The following GRIK3 variants were observed in gnomAD, a reference collection of about 807,000 sequenced individuals.
GRIK3 encodes glutamate ionotropic receptor kainate type subunit 3, also known as glutamate receptor ionotropic, kainate 3.
In GRIK3, 29 loss-of-function variants were observed where a neutral mutation model predicts 102.5. The ratio of observed to expected loss-of-function variants is 0.28; its 90% confidence interval spans 0.21 to 0.39. GRIK3 has a LOEUF of 0.39. Ranked by LOEUF, GRIK3 falls within the 10% of genes least tolerant of loss-of-function variation. The pLI, the probability that GRIK3 is intolerant of heterozygous loss-of-function variation, is 1.00. For missense variants in GRIK3, 908 were observed against 1,252.4 expected (o/e 0.73, Z 4.15); for synonymous variants, 511 against 504.9 (o/e 1.01, Z -0.16).
At chr1:37,031,497 T>C (rs543121) in intron 1 of GRIK3, among the ~76,000 whole-genome samples, 80,401 of 152,044 alleles carry the variant, frequency 0.53, 22,233 homozygotes, top group African/African-American at 0.7. Flanking sequence ...AGAGAGGGGG[T>C]GGGTACGATG....
At chr1:36,978,288 G>A (rs1397100280) in intron 1 of GRIK3, among the ~76,000 whole-genome samples, 6 of 152,216 alleles carry the variant, frequency 3.9e-5, no homozygotes, top group Non-Finnish European at 7.3e-5. Context: ...GGCACGCACT[G>A]CACCCAGATT....
intron 1 of GRIK3, among the ~76,000 whole-genome samples, chr1:36,895,699 G>A (rs1254251608): frequency 6.6e-6 from 1 of 152,094 alleles, no homozygotes; most frequent in Admixed American, 6.6e-5. Context: ...AAATGATCAG[G>A]AGAAATATTT....
In GRIK3 at chr1:36,819,223, G is replaced by A. The variant is rs539591; in HGVS notation, c.1873+513C>T. Among the ~76,000 whole-genome samples the A allele has an allele frequency of 6.6e-6, 1 of 152,036 alleles. No individual in the cohort carries two copies. Among genetic ancestry groups the A allele is most frequent in the East Asian group, 1.9e-4 (1 of 5,200 alleles). On this transcript the variant is annotated intron_variant, in intron 12 of 15. Coordinates refer to ENST00000373091, the MANE Select transcript of GRIK3 (RefSeq NM_000831.4). This position sits in a 1 kb window ranked among gnomAD's most constrained non-coding sequence, Gnocchi z 4.1. ...AGGCACCTCACAGCCAAGCGGCCAC[G>A]GAGTCCCATCCACAGTGTATCCTGA...
At chr1:36,916,125 G>A (rs941032230) in intron 1 of GRIK3, among the ~76,000 whole-genome samples, 5 of 152,164 alleles carry the variant, frequency 3.3e-5, no homozygotes, top group Admixed American at 2.0e-4. Flanking sequence ...GGAAACTGGA[G>A]CAAAGCTGAC....
At chr1:36,979,123 A>G (rs1025983361) in intron 1 of GRIK3, among the ~76,000 whole-genome samples, 1 of 152,242 alleles carries the variant, frequency 6.6e-6, no homozygotes, top group Non-Finnish European at 1.5e-5. Flanking sequence ...GGTGACTTCT[A>G]TAAACTGAAT....
chr1:36,851,856 A>C (rs1640589783), intron 8 of GRIK3, among the ~76,000 whole-genome samples: 1 of 152,258 alleles, frequency 6.6e-6, no homozygotes, highest in Admixed American at 6.5e-5. Context: ...AAGAGTACTC[A>C]AATGACGGAT....
intron 1 of GRIK3, among the ~76,000 whole-genome samples, chr1:36,929,797 C>T (rs554041): frequency 1 from 152,346 of 152,388 alleles, 76,154 homozygotes; most frequent in Non-Finnish European, 1. Context: ...AAAGTTTCTT[C>T]ATACAATTAG....
At chr1:37,032,307 G>A (rs1053076401) in intron 1 of GRIK3, among the ~76,000 whole-genome samples, 7 of 152,120 alleles carry the variant, frequency 4.6e-5, no homozygotes, top group Non-Finnish European at 1.0e-4. Flanking sequence ...TGGGCTGGGA[G>A]CACACCCATC....
At chr1:36,844,239 G>A (rs1398442087) in intron 9 of GRIK3, among the ~76,000 whole-genome samples, 1 of 152,256 alleles carries the variant, frequency 6.6e-6, no homozygotes, top group Non-Finnish European at 1.5e-5. Context: ...GGGATTCTGA[G>A]TCTAACTGGG....
chr1:37,018,207 A>G (rs2124070908), intron 1 of GRIK3, among the ~76,000 whole-genome samples: 1 of 152,344 alleles, frequency 6.6e-6, no homozygotes, highest in African/African-American at 2.4e-5. Flanking sequence ...TCATCGTCTC[A>G]GTGATTGGCA....
Position 36,806,307 on chromosome 1 carries a change from A to T in GRIK3, c.2111T>A (p.Phe704Tyr). 1 of 1,613,394 alleles carries T rather than the reference A, an allele frequency of 6.2e-7. No individual in the cohort carries two copies. Among genetic ancestry groups the T allele is most frequent in the Non-Finnish European group, 8.5e-7 (1 of 1,179,430 alleles). The change falls in exon 14 of 16, where the codon TTC (phenylalanine) becomes TAC (tyrosine). Residue 704 changes from phenylalanine (F) to tyrosine (Y), a missense_variant. This residue lies in a region of GRIK3 where 297 missense variants were observed against 362.7 expected (regional missense o/e 0.82). Transcript: ENST00000373091. The surrounding 1 kb of genome is among the most constrained non-coding windows in gnomAD (Gnocchi z 4.0). ...TFFKKSKIST[F>Y]EKMWAFMSSK... ...GCTCATGAAGGCCCACATCTTCTCG[A>T]AGGTGGAGATCTTGGATTTCTGGGC... is the stretch of plus-strand genomic sequence containing the variant.
At chr1:36,812,303 G>A (rs1001260941) in intron 13 of GRIK3, among the ~76,000 whole-genome samples, 3 of 151,982 alleles carry the variant, frequency 2.0e-5, no homozygotes, top group African/African-American at 7.3e-5. Flanking sequence ...GGCATTCTCG[G>A]GCTCCCAGCT....
At chr1:37,017,288 C>T (rs1170302275) in intron 1 of GRIK3, among the ~76,000 whole-genome samples, 1 of 143,038 alleles carries the variant, frequency 7.0e-6, no homozygotes, top group Admixed American at 7.1e-5. Context: ...AATTCCAGCA[C>T]TCTGGGAGGC....
At chr1:36,805,988 C>T (rs1307953487) in intron 14 of GRIK3, 116 bp downstream of exon 14, 14 of 428,550 alleles carry the variant, frequency 3.3e-5, no homozygotes, top group African/African-American at 1.6e-4. Context: ...AAAGAGAAAA[C>T]GTCACCTTTA....
At chr1:36,853,076 A>G (rs1640604178) in intron 8 of GRIK3, among the ~76,000 whole-genome samples, 1 of 152,222 alleles carries the variant, frequency 6.6e-6, no homozygotes, top group African/African-American at 2.4e-5. Flanking sequence ...GAAGGAGCTC[A>G]GAATCCATGT....
intron 15 of GRIK3, among the ~76,000 whole-genome samples, chr1:36,803,642 G>A (rs1642466536): frequency 6.6e-6 from 1 of 152,066 alleles, no homozygotes; most frequent in Admixed American, 6.6e-5. Context: ...TGTTGGCCAG[G>A]GTAGTCTCAA....
At chr1:36,906,872 T>C (rs999587117) in intron 1 of GRIK3, among the ~76,000 whole-genome samples, 1 of 152,206 alleles carries the variant, frequency 6.6e-6, no homozygotes, top group Non-Finnish European at 1.5e-5. Flanking sequence ...TTACAATAAC[T>C]TATTGTTTAT....
intron 1 of GRIK3, among the ~76,000 whole-genome samples, chr1:36,970,835 GTT>G (rs761567107): frequency 6.6e-6 from 1 of 152,194 alleles, no homozygotes; most frequent in Non-Finnish European, 1.5e-5. Flanking sequence ...TTTGTAATTG[GTT>G]TTTCATGACT....
At position 36,880,537 on chromosome 1, in the gene GRIK3, C is replaced by A; in HGVS notation, c.550+97G>T. 8.1e-7 allele frequency: 1 copy of A among 1,240,126 alleles called. No individual in the cohort carries two copies. The highest frequency in any genetic ancestry group is 1.3e-5 in the South Asian group (1 of 75,164). 76.8% of individuals were successfully genotyped at this position (1,240,126 alleles called of 1,614,324 possible). ...GGGGTATGGAACACAGCCTCTTCCC[C>A]CAGGGCAGCTGTGCTGAACAAACAG... On this transcript the variant is annotated intron_variant, in intron 3 of 15. Transcript: ENST00000373091. The surrounding 1 kb of genome is among the most constrained non-coding windows in gnomAD (Gnocchi z 5.4).
Sources: gnomAD v4.1 joint callset for allele counts (sites outside exome capture counted in the v4.1 genomes callset) on GRCh38, gnomAD v4.1.1 for gene constraint, gnomAD v4.1.1 regional missense constraint, Gnocchi (gnomAD v3.1) non-coding constraint, MANE v1.5 for transcripts, NCBI Gene and HGNC (gene_info 2026-07-23, HGNC 2026-07-21) for gene names.